Variants in GSN observed in about 807,000 individuals in gnomAD.
GSN encodes gelsolin, also known as actin-depolymerizing factor.
A neutral mutation model predicts 85.7 loss-of-function variants in GSN; 56 were observed. The observed-to-expected ratio is 0.65, with a 90% CI of 0.53 to 0.82. The LOEUF (loss-of-function observed/expected upper bound fraction) is 0.82, where lower values mean the gene tolerates loss of function less well. Among genes scored for constraint, GSN ranks in the 40% least tolerant of loss-of-function variants. GSN has a pLI of 0.00. For synonymous variants in GSN, 373 were observed against 399.1 expected, an observed-to-expected ratio of 0.93 and a Z score of 0.78; for missense variants, 857 against 979.8, an observed-to-expected ratio of 0.87 and a Z score of 1.67.
intron 5 of GSN, among the ~76,000 whole-genome samples, chr9:121,246,282 A>T (rs985172952): frequency 2.0e-5 from 3 of 152,022 alleles, no homozygotes; most frequent in Non-Finnish European, 4.4e-5. Context: ...TTTAAAAAGG[A>T]GATGTGAAGA....
Position 121,286,335 on chromosome 9 carries a change from C to A in GSN, c.-10+4773C>A, listed in dbSNP as rs1447941058. 6.3e-6 allele frequency: 4 copies of A among 638,364 alleles called. No individual in the cohort carries two copies. The East Asian group carries it at 1.1e-4, about 18-fold the overall frequency. The allele number at this position is 638,364 out of a possible 1,614,324, so 39.5% of individuals were successfully genotyped here. ...AAACCAGTTCCAATTCTATTCTCTCCCTGCTTAAAAATCCTCAGTGTGTCC... is the reference window on the plus strand; with the variant it reads ...AAACCAGTTCCAATTCTATTCTCTCACTGCTTAAAAATCCTCAGTGTGTCC... On this transcript the variant is annotated intron_variant, in intron 2 of 17. Coordinates refer to ENST00000432226, the MANE Select transcript of GSN (RefSeq NM_198252.3).
intron 6 of GSN, among the ~76,000 whole-genome samples, chr9:121,249,061 G>A (rs145886167): frequency 1.3e-5 from 2 of 152,292 alleles, no homozygotes; most frequent in Admixed American, 1.3e-4. Flanking sequence ...GATAACATAG[G>A]AGCTGAGGCA....
At chr9:121,287,058 A>T (rs1010081003) in intron 2 of GSN, among the ~76,000 whole-genome samples, 2 of 151,706 alleles carry the variant, frequency 1.3e-5, no homozygotes, top group African/African-American at 4.8e-5. Flanking sequence ...AGTGGCTGAG[A>T]CTCCAAGTCT....
rs771123231 is a variant in GSN, at chr9:121,318,838, C to T, written c.1149C>T (p.Ala383=). Residue 383 remains alanine (A), a synonymous_variant, in exon 10 of 18, where the codon GCC becomes GCT. Transcript: ENST00000432226. This position sits in a 1 kb window ranked among gnomAD's most constrained non-coding sequence, Gnocchi z 4.3. ...AATLHTSTAM[A]AQHGMDDDGT... ...CCCTGCACACCTCCACTGCCATGGC[C>T]GCCCAGCACGGCATGGATGACGATG... 18 of 1,613,986 alleles carry T rather than the reference C, an allele frequency of 1.1e-5. No homozygotes were observed. Among genetic ancestry groups the T allele is most frequent in the Non-Finnish European group, 1.3e-5 (15 of 1,180,028 alleles).
In GSN at chr9:121,329,741, C is replaced by T. The variant is rs1392302819; in HGVS notation, c.1965+426C>T. ...CTGGTTTGAGGGCTCTGGGCTCTGTCTCCACTTCATCTCCTAGAGAAGGCC... is the reference window on the plus strand; with the variant it reads ...CTGGTTTGAGGGCTCTGGGCTCTGTTTCCACTTCATCTCCTAGAGAAGGCC... On this transcript the variant is annotated intron_variant, in intron 16 of 17. Coordinates refer to ENST00000432226, the MANE Select transcript of GSN (RefSeq NM_198252.3). The surrounding 1 kb of genome is among the most constrained non-coding windows in gnomAD (Gnocchi z 4.6). Among the ~76,000 whole-genome samples, 1 of 152,194 alleles carries T rather than the reference C, an allele frequency of 6.6e-6. No homozygotes were observed. Among genetic ancestry groups the T allele is most frequent in the Non-Finnish European group, 1.5e-5 (1 of 68,032 alleles).
At chr9:121,295,205 T>C (rs1471594462) in intron 2 of GSN, among the ~76,000 whole-genome samples, 2 of 152,168 alleles carry the variant, frequency 1.3e-5, no homozygotes, top group Non-Finnish European at 1.5e-5. Flanking sequence ...CTCCCCCTTT[T>C]AGAGATGAGG....
intron 5 of GSN, chr9:121,239,731 A>G (rs574145731): frequency 2.3e-5 from 7 of 299,076 alleles, no homozygotes; most frequent in African/African-American, 1.3e-4. Flanking sequence ...TCCCGATCCA[A>G]CTAATACCCA....
Position 121,318,620 on chromosome 9 carries a change from C to CT in GSN, c.976-44dup, listed in dbSNP as rs760328376. On this transcript the variant is annotated intron_variant, in intron 9 of 17. Coordinates refer to ENST00000432226, the MANE Select transcript of GSN (RefSeq NM_198252.3). The surrounding 1 kb of genome is among the most constrained non-coding windows in gnomAD (Gnocchi z 4.3). The stretch of plus-strand genomic sequence containing the variant: ...TCTGAGGCTCCCCTGGGGACCCCTG[C>CT]TGGGCAGCCCAGCCACATCCTGCTC... The CT allele has an allele frequency of 1.2e-5, 18 of 1,537,274 alleles. No homozygotes were observed. The highest frequency in any genetic ancestry group is 1.5e-5 in the Non-Finnish European group (17 of 1,110,966).
intron 4 of GSN, among the ~76,000 whole-genome samples, chr9:121,228,845 G>C (rs573793727): frequency 1.3e-5 from 2 of 152,230 alleles, no homozygotes; most frequent in South Asian, 4.1e-4. Flanking sequence ...GTGCATGTAT[G>C]TACACACAGA....
intron 6 of GSN, among the ~76,000 whole-genome samples, chr9:121,253,564 C>T (rs1256131871): frequency 2.0e-5 from 3 of 152,160 alleles, no homozygotes; most frequent in South Asian, 2.1e-4. Context: ...AGGTTCATCT[C>T]GAAGTTATAT....
chr9:121,325,757 C>T (rs1477946331), intron 12 of GSN, among the ~76,000 whole-genome samples: 3 of 152,082 alleles, frequency 2.0e-5, no homozygotes, highest in East Asian at 3.9e-4. Flanking sequence ...TGATGACCAT[C>T]TTAGCTCAGT....
chr9:121,250,691 C>A, intron 6 of GSN, among the ~76,000 whole-genome samples: 1 of 151,566 alleles, frequency 6.6e-6, no homozygotes, highest in Non-Finnish European at 1.5e-5. Context: ...GCATGTGCCA[C>A]CACGCCTGGC....
chr9:121,279,392 G>C (rs1030962522), intron 1 of GSN, among the ~76,000 whole-genome samples: 1 of 152,130 alleles, frequency 6.6e-6, no homozygotes, highest in Admixed American at 6.5e-5. Flanking sequence ...GGAGGGAGAG[G>C]TTGCAGGAGG....
intron 2 of GSN, chr9:121,284,982 C>G (rs1180695622): frequency 6.0e-6 from 1 of 167,282 alleles, no homozygotes; most frequent in Non-Finnish European, 1.5e-5. Flanking sequence ...GGCCGGCCAG[C>G]CTGAGCTGTC....
intron 4 of GSN, among the ~76,000 whole-genome samples, chr9:121,223,676 T>C (rs1480636779): frequency 6.6e-6 from 1 of 151,138 alleles, no homozygotes; most frequent in Non-Finnish European, 1.5e-5. Context: ...TATTATTATT[T>C]TGAGACAGAG....
chr9:121,251,526 A>T (rs1021844643), intron 6 of GSN, among the ~76,000 whole-genome samples: 10 of 151,960 alleles, frequency 6.6e-5, no homozygotes, highest in Non-Finnish European at 1.5e-4. Context: ...ACTCATTTGC[A>T]ATTATTTTTA....
chr9:121,286,201 TCTGGGGTGGTCC>T, intron 2 of GSN: 1 of 1,493,790 alleles, frequency 6.7e-7, no homozygotes, highest in Non-Finnish European at 9.0e-7. Flanking sequence ...TAGCACGGGA[TCTGGGGTGGTCC>T]CCGAAGCCAG....
Position 121,299,595 on chromosome 9 carries a change from G to T in GSN, c.-9-2368G>T. ...TGGGCTCGCCGCCGCTCGTGCCTGC[G>T]CCCATTTAGTGTGCACACAGCTAGC... On this transcript the variant is annotated intron_variant, in intron 2 of 17. Coordinates refer to ENST00000432226, the MANE Select transcript of GSN (RefSeq NM_198252.3). The surrounding 1 kb of genome is among the most constrained non-coding windows in gnomAD (Gnocchi z 4.2). The T allele has an allele frequency of 5.3e-6, 3 of 562,140 alleles. No homozygotes were observed. The highest frequency in any genetic ancestry group is 6.8e-6 in the Non-Finnish European group (3 of 443,218). The allele number at this position is 562,140 out of a possible 1,614,324, so 34.8% of individuals were successfully genotyped here. A position where few individuals can be genotyped will look rare whatever the true frequency, so the allele number is the denominator to read the frequency against.
chr9:121,292,657 C>A (rs1485658941), intron 2 of GSN, among the ~76,000 whole-genome samples: 1 of 152,154 alleles, frequency 6.6e-6, no homozygotes, highest in Non-Finnish European at 1.5e-5. Flanking sequence ...GCTCAAGTTC[C>A]CTGGTGGTAG....
Sources: gnomAD v4.1 joint callset for allele counts (sites outside exome capture counted in the v4.1 genomes callset) on GRCh38, gnomAD v4.1.1 for gene constraint, Gnocchi (gnomAD v3.1) non-coding constraint, MANE v1.5 for transcripts, NCBI Gene and HGNC (gene_info 2026-07-23, HGNC 2026-07-21) for gene names.